NDOR1: variants seen among roughly 807,000 people sequenced by gnomAD.
NDOR1 encodes the protein NADPH-dependent diflavin oxidoreductase 1.
A neutral mutation model predicts 67.2 loss-of-function variants in NDOR1; 61 were observed. The observed-to-expected ratio is 0.91, with a 90% CI of 0.74 to 1.12. NDOR1 has a LOEUF of 1.12. Ranked by LOEUF, NDOR1 falls within the 50% of genes most tolerant of loss-of-function variation. The probability of loss-of-function intolerance (pLI) is 0.00; values close to 1 mark genes in which losing one functional copy is unlikely to be tolerated. For missense variants in NDOR1, 878 were observed against 802.8 expected, an observed-to-expected ratio of 1.09 and a Z score of -1.13; for synonymous variants, 378 against 343.7, an observed-to-expected ratio of 1.10 and a Z score of -1.10.
In NDOR1 at chr9:137,206,329, G is replaced by T. The variant is rs575000867; in HGVS notation, c.213+20G>T. 1.5e-5 allele frequency: 24 copies of T among 1,613,334 alleles called. No homozygotes were observed. In the East Asian group the frequency reaches 5.1e-4, roughly 34 times the overall value. On this transcript the variant is annotated intron_variant, in intron 2 of 13. Transcript: ENST00000684003. ...ATGAAGGTAAGGCTGGCCTGATGTGGCTCCTCAGATCCCTGCCCTCGACCC... is the reference window on the plus strand; with the variant it reads ...ATGAAGGTAAGGCTGGCCTGATGTGTCTCCTCAGATCCCTGCCCTCGACCC...
At position 137,205,921 on chromosome 9, in the gene NDOR1, T is replaced by C; in HGVS notation, c.135+9T>C. The C allele has an allele frequency of 6.3e-7, 1 of 1,579,716 alleles. No homozygotes were observed. The highest frequency in any genetic ancestry group is 8.6e-7 in the Non-Finnish European group (1 of 1,168,132). On this transcript the variant is annotated intron_variant, in intron 1 of 13. Coordinates refer to ENST00000684003, the MANE Select transcript of NDOR1 (RefSeq NM_014434.4). ...TGGACTCCTACCCGGTGGTGAGGGCTCGCTAGGGCCTCGGCGTGGGGGACG... is the reference window on the plus strand; with the variant it reads ...TGGACTCCTACCCGGTGGTGAGGGCCCGCTAGGGCCTCGGCGTGGGGGACG...
intron 2 of NDOR1, among the ~76,000 whole-genome samples, 184 bp downstream of exon 2, chr9:137,206,493 A>G (rs974962504): frequency 6.6e-6 from 1 of 152,228 alleles, no homozygotes; most frequent in African/African-American, 2.4e-5. Context: ...AACTCGTCGT[A>G]GCCACCAAAT....
chr9:137,213,200 C>G (rs1023760031), intron 3 of NDOR1, among the ~76,000 whole-genome samples: 2 of 152,198 alleles, frequency 1.3e-5, no homozygotes. Context: ...AGGTTTTGTT[C>G]CGTGCGTGAC....
intron 7 of NDOR1, 42 bp downstream of exon 7, chr9:137,214,733 G>A (rs778744386): frequency 1.1e-5 from 17 of 1,597,024 alleles, no homozygotes; most frequent in South Asian, 8.8e-5. Context: ...GCCCTCTCCC[G>A]TGCCCTGGGC....
intron 3 of NDOR1, among the ~76,000 whole-genome samples, chr9:137,213,086 C>T (rs544063994): frequency 1.4e-4 from 21 of 152,322 alleles, no homozygotes; most frequent in African/African-American, 4.1e-4. Flanking sequence ...GGCCCAGGTC[C>T]GCTGAGCACC....
rs1835322230 is a variant in NDOR1, at chr9:137,212,700, G to A, written c.311+101G>A. ...AGACCAGCTTCCAGGGTCGGCCCCT[G>A]CGCGCCTCAGGGCCCTCGCAGTGGT... On this transcript the variant is annotated intron_variant, in intron 3 of 13. Transcript: ENST00000684003. This position sits in a 1 kb window ranked among gnomAD's most constrained non-coding sequence, Gnocchi z 4.3. 9.0e-7 allele frequency: 1 copy of A among 1,111,644 alleles called. No individual in the cohort carries two copies. The highest frequency in any genetic ancestry group is 2.4e-5 in the East Asian group (1 of 42,118). The allele number at this position is 1,111,644 out of a possible 1,614,324, so 68.9% of individuals were successfully genotyped here.
rs928607916 is a variant in NDOR1, at chr9:137,206,213, T to G, written c.136-19T>G. 1 of 1,613,772 alleles carries G rather than the reference T, an allele frequency of 6.2e-7. No homozygotes were observed. Among genetic ancestry groups the G allele is most frequent in the African/African-American group, 1.3e-5 (1 of 74,888 alleles). Reference sequence around the variant, plus strand: ...TCCTTACAGCCGGAGGTCTTACGTGTGTGTGTCTTTTTGTTGAGGTGAATC... The same window carrying G: ...TCCTTACAGCCGGAGGTCTTACGTGGGTGTGTCTTTTTGTTGAGGTGAATC... On this transcript the variant is annotated intron_variant, in intron 1 of 13. Transcript: ENST00000684003.
chr9:137,215,135 C>T lies in NDOR1; in HGVS notation c.1106C>T (p.Pro369Leu), dbSNP rs1296645253. 6.2e-7 allele frequency: 1 copy of T among 1,613,760 alleles called. No individual in the cohort carries two copies. The highest frequency in any genetic ancestry group is 1.6e-4 in the Middle Eastern group (1 of 6,062). Residue 369 changes from proline (P) to leucine (L), a missense_variant, in exon 9 of 14, where the codon CCC (proline) becomes CTC (leucine). Coordinates refer to ENST00000684003, the MANE Select transcript of NDOR1 (RefSeq NM_014434.4). ...CCGCACACAGCTGCCGCCATCCCTC[C>T]CGACTACCTGTTGGACCTCATCCCC... Reference protein sequence around the residue: ...DFPHTAAAIPPDYLLDLIPVI... With the variant: ...DFPHTAAAIPLDYLLDLIPVI...
Position 137,216,279 on chromosome 9 carries a change from A to G in NDOR1, c.1657A>G (p.Lys553Glu), listed in dbSNP as rs950918893. The G allele has an allele frequency of 3.1e-6, 5 of 1,612,994 alleles. No individual in the cohort carries two copies. Among genetic ancestry groups the G allele is most frequent in the Admixed American group, 1.7e-5 (1 of 60,000 alleles). ...TGCGACCTGCCCCTCTAGCAACGCCAAGTCCATGCCAGCGGACGTCTCGGA... is the reference window on the plus strand; with the variant it reads ...TGCGACCTGCCCCTCTAGCAACGCCGAGTCCATGCCAGCGGACGTCTCGGA... Reference protein sequence around the residue: ...GAYFYLAGNAKSMPADVSEAL... With the variant: ...GAYFYLAGNAESMPADVSEAL... Residue 553 changes from lysine to glutamate, a missense_variant, in exon 14 of 14, where the codon AAG (lysine) becomes GAG (glutamate). Transcript: ENST00000684003.
chr9:137,210,784 C>G (rs1326153291), intron 2 of NDOR1, among the ~76,000 whole-genome samples: 1 of 151,834 alleles, frequency 6.6e-6, no homozygotes, highest in East Asian at 1.9e-4. Context: ...AAGGTCAAGG[C>G]TGCAGTGAGC....
rs776746779 is a variant in NDOR1 at position 137,214,681 on chromosome 9, G to A, written c.834G>A (p.Pro278=). Residue 278 remains proline (P), a synonymous_variant, in exon 7 of 14, where the codon CCG becomes CCA. Transcript: ENST00000684003. ...LDPDQLFMLQ[P]REPDVSSPTR... is the part of the protein sequence containing the mutation. The stretch of plus-strand genomic sequence containing the variant: ...CTGACCAGCTCTTCATGCTGCAGCC[G>A]CGGGAGCCAGGTGAGCCCAGCCTCG... The A allele has an allele frequency of 8.7e-6, 14 of 1,603,410 alleles. No homozygotes were observed. The highest frequency in any genetic ancestry group is 1.1e-5 in the Non-Finnish European group (13 of 1,179,806).
Position 137,215,099 on chromosome 9 carries a change from TC to T in NDOR1, c.1071del (p.Cys358ValfsTer34). 6.2e-7 allele frequency: 1 copy of T among 1,613,804 alleles called. No homozygotes were observed. The highest frequency in any genetic ancestry group is 8.5e-7 in the Non-Finnish European group (1 of 1,179,974). The part of the protein sequence containing the change: ...NRPRRTILEV[L>X]CDFPHTAAAI... ...CCTGAGACTCTCTTTGCCTAGGTGC[TC>T]TGTGACTTCCCGCACACAGCTGCCG... On this transcript the variant is annotated frameshift_variant, in exon 9 of 14. Coordinates refer to ENST00000684003, the MANE Select transcript of NDOR1 (RefSeq NM_014434.4). LOFTEE classifies it high-confidence loss of function.
intron 1 of NDOR1, 30 bp downstream of exon 1, chr9:137,205,942 G>T: frequency 6.4e-7 from 1 of 1,558,858 alleles, no homozygotes; most frequent in Non-Finnish European, 8.6e-7. Context: ...TCGGCGTGGG[G>T]GACGAGCAGG....
Position 137,212,409 on chromosome 9 carries a change from C to T in NDOR1, c.214-93C>T. Reference sequence around the variant, plus strand: ...TTGTATTCTGCCCCCATCCTACCCACCTGCCTGTTCCCCTGAGACCCTCCC... The same window carrying T: ...TTGTATTCTGCCCCCATCCTACCCATCTGCCTGTTCCCCTGAGACCCTCCC... On this transcript the variant is annotated intron_variant, in intron 2 of 13. Transcript: ENST00000684003. The surrounding 1 kb of genome is among the most constrained non-coding windows in gnomAD (Gnocchi z 4.3). 2.7e-6 allele frequency: 3 copies of T among 1,117,464 alleles called. No homozygotes were observed. The highest frequency in any genetic ancestry group is 2.0e-4 in the Middle Eastern group (1 of 4,976). The allele number at this position is 1,117,464 out of a possible 1,614,324, so 69.2% of individuals were successfully genotyped here.
intron 10 of NDOR1, 28 bp from the exon 11 acceptor site, chr9:137,215,631 T>C: frequency 6.3e-7 from 1 of 1,582,196 alleles, no homozygotes; most frequent in Non-Finnish European, 8.6e-7. Context: ...TCTTTGATCC[T>C]CTTCATGCCA....
rs151043099 is a variant in NDOR1 at position 137,208,497 on chromosome 9, C to T, written c.213+2188C>T. ...AACAAAACAAACAAACAAAAAACCA[C>T]ATCTGGCTGTGAAAAGGCTAAAGAG... On this transcript the variant is annotated intron_variant, in intron 2 of 13. Transcript: ENST00000684003. 9.0e-3 allele frequency among the ~76,000 whole-genome samples: 1,359 copies of T among 151,476 alleles called. 26 individuals are homozygous for T. Among genetic ancestry groups the T allele is most frequent in the African/African-American group, 0.032 (1,325 of 41,284 alleles).
In NDOR1 at chr9:137,206,294, C is replaced by T. The variant is rs1252787144; in HGVS notation, c.198C>T (p.Pro66=). ...FVCATTGQGD[P]PDNMKNFWRF... is the part of the protein sequence containing the mutation. ...GTGCAACTACAGGCCAAGGAGACCC[C>T]CCTGACAACATGAAGGTAAGGCTGG... Residue 66 remains proline (P), a synonymous_variant, in exon 2 of 14, where the codon CCC becomes CCT. Coordinates refer to ENST00000684003, the MANE Select transcript of NDOR1 (RefSeq NM_014434.4). 1 of 1,613,972 alleles carries T rather than the reference C, an allele frequency of 6.2e-7. No individual in the cohort carries two copies. Among genetic ancestry groups the T allele is most frequent in the South Asian group, 1.1e-5 (1 of 91,088 alleles).
At position 137,218,710 on chromosome 9, in the gene NDOR1, G is replaced by C. The variant is rs1258353389; in HGVS notation, c.*2294G>C. 1.3e-5 allele frequency: 5 copies of C among 397,610 alleles called. No individual in the cohort carries two copies. Among genetic ancestry groups the C allele is most frequent in the Non-Finnish European group, 2.2e-5 (5 of 225,766 alleles). The allele number at this position is 397,610 out of a possible 1,614,324, so 24.6% of individuals were successfully genotyped here. On this transcript the variant is annotated 3_prime_UTR_variant, in exon 14 of 14. Transcript: ENST00000684003. ...TGATGACCAGGCTGGAAAAACCCAAGGTTGGGTCCAGGGCAGTGGCCTTCA... is the reference window on the plus strand; with the variant it reads ...TGATGACCAGGCTGGAAAAACCCAACGTTGGGTCCAGGGCAGTGGCCTTCA...
Position 137,216,953 on chromosome 9 carries a change from C to T in NDOR1, c.*537C>T, listed in dbSNP as rs1835639191. 1 of 176,394 alleles carries T rather than the reference C, an allele frequency of 5.7e-6. No homozygotes were observed. The highest frequency in any genetic ancestry group is 1.2e-5 in the Non-Finnish European group (1 of 82,946). 10.9% of individuals were successfully genotyped at this position (176,394 alleles called of 1,614,324 possible). The stretch of plus-strand genomic sequence containing the variant: ...GGGGTGTCCCAGGCCAGAGCAGCCT[C>T]TTCCTCTCCTGGTCCCAGAAAAACC... On this transcript the variant is annotated 3_prime_UTR_variant, in exon 14 of 14. Coordinates refer to ENST00000684003, the MANE Select transcript of NDOR1 (RefSeq NM_014434.4).
Sources: gnomAD v4.1 joint callset for allele counts (sites outside exome capture counted in the v4.1 genomes callset) on GRCh38, gnomAD v4.1.1 for gene constraint, Gnocchi (gnomAD v3.1) non-coding constraint, MANE v1.5 for transcripts, NCBI Gene and HGNC (gene_info 2026-07-23, HGNC 2026-07-21) for gene names.